The following HECW1 variants were observed in gnomAD, a reference collection of about 807,000 sequenced individuals.
HECW1 encodes E3 ubiquitin-protein ligase HECW1.
Under a neutral mutation model 182.3 loss-of-function variants are expected in HECW1, and 61 were observed. That is an observed-to-expected ratio of 0.33 (90% CI 0.27 to 0.41). HECW1 has a LOEUF of 0.41. Among genes scored for constraint, HECW1 ranks in the 10% least tolerant of loss-of-function variants. The pLI, the probability that HECW1 is intolerant of heterozygous loss-of-function variation, is 1.00. For missense variants in HECW1, 1,739 were observed against 2,108.9 expected, an observed-to-expected ratio of 0.82 and a Z score of 3.44; for synonymous variants, 859 against 832.6, an observed-to-expected ratio of 1.03 and a Z score of -0.55.
At chr7:43,319,279 C>T (rs1018063274) in intron 4 of HECW1, among the ~76,000 whole-genome samples, 1 of 149,016 alleles carries the variant, frequency 6.7e-6, no homozygotes, top group East Asian at 2.0e-4. Flanking sequence ...CCCAGCTACT[C>T]GGGAGGCTGA....
chr7:43,150,108 T>C (rs1789137015), intron 2 of HECW1, among the ~76,000 whole-genome samples: 1 of 152,242 alleles, frequency 6.6e-6, no homozygotes, highest in African/African-American at 2.4e-5. Context: ...GGCACTGTGC[T>C]GAATTGTTTT....
intron 6 of HECW1, among the ~76,000 whole-genome samples, chr7:43,387,535 A>T (rs1310200313): frequency 6.6e-6 from 1 of 152,256 alleles, no homozygotes; most frequent in Non-Finnish European, 1.5e-5. Flanking sequence ...AGACTTGTAG[A>T]CATGCAGAAA....
At chr7:43,271,941 T>C (rs959412802) in intron 3 of HECW1, among the ~76,000 whole-genome samples, 1 of 151,998 alleles carries the variant, frequency 6.6e-6, no homozygotes, top group Admixed American at 6.6e-5. Context: ...TTACCTGACT[T>C]CAAACTGTGT....
intron 2 of HECW1, among the ~76,000 whole-genome samples, chr7:43,185,411 T>C (rs1453085154): frequency 7.0e-6 from 1 of 142,218 alleles, no homozygotes; most frequent in Non-Finnish European, 1.6e-5. Context: ...GTCGGAACTG[T>C]CTCAATTATA....
At chr7:43,541,838 G>T in intron 25 of HECW1, 31 bp from the exon 26 acceptor site, 1 of 1,428,302 alleles carries the variant, frequency 7.0e-7, no homozygotes, top group Non-Finnish European at 9.2e-7. Flanking sequence ...CATTTGTTTG[G>T]TAATTTGCCT....
intron 2 of HECW1, among the ~76,000 whole-genome samples, chr7:43,206,740 A>T (rs979698759): frequency 6.6e-6 from 1 of 152,114 alleles, no homozygotes; most frequent in Non-Finnish European, 1.5e-5. Context: ...CTCGGTTCAT[A>T]TTTAAGTGAA....
intron 3 of HECW1, among the ~76,000 whole-genome samples, chr7:43,279,817 G>C (rs763642114): frequency 6.6e-6 from 1 of 152,222 alleles, no homozygotes; most frequent in Admixed American, 6.5e-5. Flanking sequence ...ACTCTATGTT[G>C]CTTGAGAACA....
rs112778473 is a variant in HECW1 at position 43,514,380 on chromosome 7, C to G, written c.4019+5259C>G. Among the ~76,000 whole-genome samples the G allele has an allele frequency of 5.8e-4, 88 of 151,664 alleles. 1 individual carries two copies. Among genetic ancestry groups the G allele is most frequent in the African/African-American group, 2.1e-3 (85 of 41,336 alleles). On this transcript the variant is annotated intron_variant, in intron 24 of 29. Coordinates refer to ENST00000395891, the MANE Select transcript of HECW1 (RefSeq NM_015052.5). ...TCTTTGCTCACTGCAACCTCCACCTCCTGGTTCAAGCAAGTCTCCTGCCTC... is the reference window on the plus strand; with the variant it reads ...TCTTTGCTCACTGCAACCTCCACCTGCTGGTTCAAGCAAGTCTCCTGCCTC...
intron 3 of HECW1, among the ~76,000 whole-genome samples, chr7:43,279,268 A>G (rs749376574): frequency 1.1e-4 from 16 of 152,218 alleles, no homozygotes; most frequent in Non-Finnish European, 2.1e-4. Context: ...TAGCAGACAA[A>G]GCAAAATGCT....
At chr7:43,168,526 G>C (rs1270232265) in intron 2 of HECW1, among the ~76,000 whole-genome samples, 1 of 152,036 alleles carries the variant, frequency 6.6e-6, no homozygotes. Context: ...CAGGCATGAT[G>C]GTGTGTGCCT....
chr7:43,458,365 A>G (rs2077472076), intron 13 of HECW1, among the ~76,000 whole-genome samples: 1 of 152,210 alleles, frequency 6.6e-6, no homozygotes, highest in South Asian at 2.1e-4. Context: ...TAAACCCATG[A>G]AAGTTTATCG....
chr7:43,140,485 A>T (rs1182714486), intron 2 of HECW1, among the ~76,000 whole-genome samples: 1 of 152,136 alleles, frequency 6.6e-6, no homozygotes, highest in Admixed American at 6.5e-5. Flanking sequence ...GTTCCGTCAC[A>T]CTCATTAACC....
intron 16 of HECW1, among the ~76,000 whole-genome samples, chr7:43,477,917 G>A (rs2078278556): frequency 6.6e-6 from 1 of 151,946 alleles, no homozygotes; most frequent in African/African-American, 2.4e-5. Context: ...CATTGATTGA[G>A]GTCATTTAAA....
chr7:43,475,943 A>G (rs992732408), intron 16 of HECW1, among the ~76,000 whole-genome samples: 2 of 152,216 alleles, frequency 1.3e-5, no homozygotes, highest in Non-Finnish European at 2.9e-5. Context: ...AAAACAGTGG[A>G]CATCTTATTG....
intron 6 of HECW1, among the ~76,000 whole-genome samples, chr7:43,395,085 C>T (rs1177176379): frequency 2.0e-5 from 3 of 151,868 alleles, no homozygotes; most frequent in African/African-American, 7.3e-5. Context: ...AGTGCAGGGT[C>T]TATGAAATAT....
At chr7:43,289,509 G>A (rs370964458) in intron 3 of HECW1, among the ~76,000 whole-genome samples, 2 of 152,188 alleles carry the variant, frequency 1.3e-5, no homozygotes, top group African/African-American at 4.8e-5. Flanking sequence ...TTACTTGTCT[G>A]AATGATAGCT....
At chr7:43,441,483 G>A (rs2076885371) in intron 9 of HECW1, among the ~76,000 whole-genome samples, 1 of 152,178 alleles carries the variant, frequency 6.6e-6, no homozygotes, top group Non-Finnish European at 1.5e-5. Flanking sequence ...GTCCATCGTT[G>A]AGGACATATT....
intron 16 of HECW1, among the ~76,000 whole-genome samples, chr7:43,475,786 C>T (rs1263705910): frequency 6.6e-6 from 1 of 152,168 alleles, no homozygotes; most frequent in African/African-American, 2.4e-5. Context: ...TAGTCTCAAA[C>T]TCCCAAGCTC....
chr7:43,504,756 C>G (rs2079509543), intron 21 of HECW1, among the ~76,000 whole-genome samples: 2 of 152,222 alleles, frequency 1.3e-5, no homozygotes. Context: ...CCTCAGCACC[C>G]TTCCTCTCTC....
Sources: gnomAD v4.1 joint callset for allele counts (sites outside exome capture counted in the v4.1 genomes callset) on GRCh38, gnomAD v4.1.1 for gene constraint, MANE v1.5 for transcripts, NCBI Gene and HGNC (gene_info 2026-07-23, HGNC 2026-07-21) for gene names.